The following MAFK variants were observed in gnomAD, a reference collection of about 807,000 sequenced individuals.
The protein encoded by MAFK is transcription factor MafK.
A neutral mutation model predicts 9.2 loss-of-function variants in MAFK; 1 was observed. The observed-to-expected ratio is 0.11, with a 90% confidence interval of 0.04 to 0.52. MAFK has a LOEUF of 0.52. MAFK is among the 20% of genes least tolerant of loss of function. The probability of loss-of-function intolerance (pLI) is 0.94; values close to 1 mark genes in which losing one functional copy is unlikely to be tolerated. For synonymous variants in MAFK, 110 were observed against 107.4 expected, an observed-to-expected ratio of 1.02 and a Z score of -0.15; for missense variants, 207 against 236.0, an observed-to-expected ratio of 0.88 and a Z score of 0.81.
chr7:1,537,368 G>T, intron 1 of MAFK: 1 of 985,336 alleles, frequency 1.0e-6, no homozygotes, highest in Non-Finnish European at 1.2e-6. Context: ...GTGACTCACC[G>T]CATAGCTATG....
chr7:1,537,450 A>T (rs766771551), intron 1 of MAFK: 12 of 985,396 alleles, frequency 1.2e-5, no homozygotes, highest in Non-Finnish European at 1.4e-5. Flanking sequence ...TCCCTCTGAC[A>T]TGGAAAAGTT....
Position 1,542,916 on chromosome 7 carries a change from CAT to C in MAFK, c.*2542_*2543del, listed in dbSNP as rs1784232509. ...GATATAAATTATTGAAAACAGATCA[CAT>C]GTGGGCCCGTGTCTGGCCGCCGCCG... On this transcript the variant is annotated 3_prime_UTR_variant, in exon 3 of 3. Transcript: ENST00000343242. 2 of 152,718 alleles carry C rather than the reference CAT, an allele frequency of 1.3e-5. No individual in the cohort carries two copies. The highest frequency in any genetic ancestry group is 4.8e-5 in the African/African-American group (2 of 41,466). 9.5% of individuals were successfully genotyped at this position (152,718 alleles called of 1,614,324 possible).
At position 1,542,229 on chromosome 7, in the gene MAFK, A is replaced by G. The variant is rs2128553144; in HGVS notation, c.*1854A>G. 6.5e-6 allele frequency: 1 copy of G among 152,696 alleles called. No individual in the cohort carries two copies. Among genetic ancestry groups the G allele is most frequent in the African/African-American group, 2.4e-5 (1 of 41,584 alleles). The allele number at this position is 152,696 out of a possible 1,614,324, so 9.5% of individuals were successfully genotyped here. A position where few individuals can be genotyped will look rare whatever the true frequency, so the allele number is the denominator to read the frequency against. Reference sequence around the variant, plus strand: ...GGGATATTTAAAGAGAGAAACAGAAAATATATAGAGATATAAAATTATATT... The same window carrying G: ...GGGATATTTAAAGAGAGAAACAGAAGATATATAGAGATATAAAATTATATT... On this transcript the variant is annotated 3_prime_UTR_variant, in exon 3 of 3. Transcript: ENST00000343242.
At position 1,540,532 on chromosome 7, in the gene MAFK, G is replaced by T; in HGVS notation, c.*157G>T. ...GCTCACACCAGGAAGAGACTGTATTGCAGGGTGAAGAGTGGGCTCCCGTGG... is the reference window on the plus strand; with the variant it reads ...GCTCACACCAGGAAGAGACTGTATTTCAGGGTGAAGAGTGGGCTCCCGTGG... On this transcript the variant is annotated 3_prime_UTR_variant, in exon 3 of 3. Coordinates refer to ENST00000343242, the MANE Select transcript of MAFK (RefSeq NM_002360.4). The T allele has an allele frequency of 1.3e-6, 1 of 778,580 alleles. No homozygotes were observed. The highest frequency in any genetic ancestry group is 2.0e-6 in the Non-Finnish European group (1 of 505,432). 48.2% of individuals were successfully genotyped at this position (778,580 alleles called of 1,614,324 possible).
intron 2 of MAFK, 21 bp from the exon 3 acceptor site, chr7:1,539,920 C>T (rs1241958182): frequency 2.0e-6 from 3 of 1,505,402 alleles, no homozygotes; most frequent in Non-Finnish European, 2.7e-6. Flanking sequence ...CCGCCGCTGA[C>T]CCCGCACTGT....
rs151298511 is a variant in MAFK, at chr7:1,534,571, C to T, written c.-45+3673C>T. ...CCGTCCTCCGTTCCTGGTCTTCCTC[C>T]TGCCCCTCCTCCCTCTCCCGCATCC... On this transcript the variant is annotated intron_variant, in intron 1 of 2. Coordinates refer to ENST00000343242, the MANE Select transcript of MAFK (RefSeq NM_002360.4). This position sits in a 1 kb window ranked among gnomAD's most constrained non-coding sequence, Gnocchi z 4.3. The T allele has an allele frequency of 6.1e-4, 277 of 456,462 alleles. No individual in the cohort carries two copies. Among genetic ancestry groups the T allele is most frequent in the African/African-American group, 5.3e-3 (264 of 50,194 alleles). 28.3% of individuals were successfully genotyped at this position (456,462 alleles called of 1,614,324 possible).
intron 1 of MAFK, chr7:1,534,000 G>A (rs1715425630): frequency 8.6e-6 from 3 of 347,122 alleles, no homozygotes; most frequent in Non-Finnish European, 1.7e-5. Context: ...GCAGCTGCCT[G>A]AGTCACCTCT....
At position 1,540,056 on chromosome 7, in the gene MAFK, G is replaced by A. The variant is rs1028152796; in HGVS notation, c.152G>A (p.Arg51His). Reference protein sequence around the residue: ...LRGLTKEEVTRLKQRRRTLKN... With the variant: ...LRGLTKEEVTHLKQRRRTLKN... ...GGTCTCACCAAGGAGGAGGTGACCC[G>A]CCTGAAGCAGCGTCGGCGCACACTC... The change falls in exon 3 of 3, where the codon CGC (arginine) becomes CAC (histidine). Residue 51 changes from arginine (R) to histidine (H), a missense_variant. Physicochemically the swap from Arg to His is conservative, Grantham distance 29. Transcript: ENST00000343242. 8 of 1,558,804 alleles carry A rather than the reference G, an allele frequency of 5.1e-6. No individual in the cohort carries two copies. Among genetic ancestry groups the A allele is most frequent in the Non-Finnish European group, 6.9e-6 (8 of 1,151,384 alleles).
chr7:1,538,900 G>C (rs955793494), intron 1 of MAFK: 3 of 435,716 alleles, frequency 6.9e-6, no homozygotes, highest in Non-Finnish European at 1.2e-5. Flanking sequence ...TGTGGAGTGT[G>C]CTAGAGTGTG....
rs1427425623 is a variant in MAFK at position 1,540,345 on chromosome 7, C to T, written c.441C>T (p.Ser147=). ...TCGTCAAGTCCACCGAGCTCTCCTC[C>T]ACCTCCGTGCCCTTCTCGGCTGCAT... is the stretch of plus-strand genomic sequence containing the variant. ...ITIVKSTELS[S]TSVPFSAAS Residue 147 remains serine, a synonymous_variant, in exon 3 of 3, where the codon TCC becomes TCT. Coordinates refer to ENST00000343242, the MANE Select transcript of MAFK (RefSeq NM_002360.4). 3 of 1,605,468 alleles carry T rather than the reference C, an allele frequency of 1.9e-6. No individual in the cohort carries two copies. The highest frequency in any genetic ancestry group is 2.6e-6 in the Non-Finnish European group (3 of 1,174,924).
chr7:1,531,196 C>G (rs1449251305), intron 1 of MAFK, among the ~76,000 whole-genome samples: 1 of 149,520 alleles, frequency 6.7e-6, no homozygotes, highest in African/African-American at 2.4e-5. Flanking sequence ...GACCCCAGAC[C>G]TGGGAGGACG....
At position 1,534,101 on chromosome 7, in the gene MAFK, A is replaced by T. The variant is rs1353015003; in HGVS notation, c.-45+3203A>T. 4 of 389,772 alleles carry T rather than the reference A, an allele frequency of 1.0e-5. No homozygotes were observed. The highest frequency in any genetic ancestry group is 7.0e-5 in the South Asian group (4 of 57,036). 24.1% of individuals were successfully genotyped at this position (389,772 alleles called of 1,614,324 possible). On this transcript the variant is annotated intron_variant, in intron 1 of 2. Coordinates refer to ENST00000343242, the MANE Select transcript of MAFK (RefSeq NM_002360.4). This position sits in a 1 kb window ranked among gnomAD's most constrained non-coding sequence, Gnocchi z 4.3. ...CGGGCCGACAGTCATGGCTTGCTGG[A>T]GGGCAGCCAGCCAGGGCCAGGCTGC... is the stretch of plus-strand genomic sequence containing the variant.
Position 1,540,581 on chromosome 7 carries a change from C to T in MAFK, c.*206C>T, listed in dbSNP as rs1784155136. 2 of 571,030 alleles carry T rather than the reference C, an allele frequency of 3.5e-6. No homozygotes were observed. The highest frequency in any genetic ancestry group is 4.7e-4 in the Middle Eastern group (1 of 2,118). 35.4% of individuals were successfully genotyped at this position (571,030 alleles called of 1,614,324 possible). On this transcript the variant is annotated 3_prime_UTR_variant, in exon 3 of 3. Coordinates refer to ENST00000343242, the MANE Select transcript of MAFK (RefSeq NM_002360.4). ...GGGCCCAGAGCTGCACGCCGGTCCA[C>T]AGACACACTCACGCCCGCCACCTGC... is the stretch of plus-strand genomic sequence containing the variant.
rs1399804816 is a variant in MAFK, at chr7:1,534,657, G to A, written c.-45+3759G>A. On this transcript the variant is annotated intron_variant, in intron 1 of 2. Transcript: ENST00000343242. This position sits in a 1 kb window ranked among gnomAD's most constrained non-coding sequence, Gnocchi z 4.3. ...AGGGCCACTCCGTCTTGGTCAGACT[G>A]GCTGGGCAGCTGAGGGGGTGGGGCA... 1 of 455,844 alleles carries A rather than the reference G, an allele frequency of 2.2e-6. No homozygotes were observed. The highest frequency in any genetic ancestry group is 4.4e-6 in the Non-Finnish European group (1 of 226,730). 28.2% of individuals were successfully genotyped at this position (455,844 alleles called of 1,614,324 possible). A position where few individuals can be genotyped will look rare whatever the true frequency, so the allele number is the denominator to read the frequency against.
chr7:1,537,438 C>G, intron 1 of MAFK: 3 of 985,548 alleles, frequency 3.0e-6, no homozygotes, highest in Non-Finnish European at 3.6e-6. Flanking sequence ...GCCCGCGGCC[C>G]CTCCCTCTGA....
At chr7:1,539,289 G>T in intron 2 of MAFK, 61 bp downstream of exon 2, 1 of 1,384,566 alleles carries the variant, frequency 7.2e-7, no homozygotes, top group South Asian at 1.2e-5. Flanking sequence ...CCCCCGGCCC[G>T]ACAGCCCCTG....
Position 1,537,808 on chromosome 7 carries a change from G to A in MAFK, c.-44-1341G>A, listed in dbSNP as rs1032025122. The A allele has an allele frequency of 6.9e-6, 4 of 577,170 alleles. No homozygotes were observed. In the South Asian group the frequency reaches 2.3e-4, roughly 33 times the overall value. 35.8% of individuals were successfully genotyped at this position (577,170 alleles called of 1,614,324 possible). On this transcript the variant is annotated intron_variant, in intron 1 of 2. Coordinates refer to ENST00000343242, the MANE Select transcript of MAFK (RefSeq NM_002360.4). ...GGGCCCGAGGGCTCCCTGGCCCAGG[G>A]TGTGGGGAGGGTCCTGGGCTGGCAG...
At chr7:1,531,978 G>A (rs1723426247) in intron 1 of MAFK, among the ~76,000 whole-genome samples, 1 of 152,200 alleles carries the variant, frequency 6.6e-6, no homozygotes, top group African/African-American at 2.4e-5. Context: ...CATTCACCAG[G>A]TGACCCACAG....
At chr7:1,537,494 G>T in intron 1 of MAFK, 1 of 985,536 alleles carries the variant, frequency 1.0e-6, no homozygotes, top group Non-Finnish European at 1.2e-6. Context: ...GCATTTGCAG[G>T]TCCCCACGGT....
Sources: gnomAD v4.1 joint callset for allele counts (sites outside exome capture counted in the v4.1 genomes callset) on GRCh38, gnomAD v4.1.1 for gene constraint, Gnocchi (gnomAD v3.1) non-coding constraint, MANE v1.5 for transcripts, NCBI Gene and HGNC (gene_info 2026-07-23, HGNC 2026-07-21) for gene names.